Variants in COL19A1 observed in about 807,000 individuals in gnomAD.
The protein encoded by COL19A1 is collagen alpha-1(XIX) chain.
Under a neutral mutation model 190.2 loss-of-function variants are expected in COL19A1, and 159 were observed. That is an observed-to-expected ratio of 0.84 (90% CI 0.73 to 0.95). The LOEUF is 0.95. Among genes scored for constraint, COL19A1 ranks in the 40% least tolerant of loss-of-function variants. The pLI is 0.00. For missense variants in COL19A1, 1,418 were observed against 1,431.9 expected (o/e 0.99, Z 0.16); for synonymous variants, 509 against 458.9 (o/e 1.11, Z -1.39).
chr6:70,144,112 T>C (rs1462477751), intron 23 of COL19A1, 98 bp from the exon 24 acceptor site: 3 of 1,103,538 alleles, frequency 2.7e-6, no homozygotes, highest in South Asian at 1.5e-5. Flanking sequence ...GGTTATATGT[T>C]AAAATTCTGT....
intron 17 of COL19A1, among the ~76,000 whole-genome samples, chr6:70,125,993 G>A (rs543907437): frequency 2.4e-4 from 37 of 152,256 alleles, no homozygotes; most frequent in Non-Finnish European, 4.9e-4. Flanking sequence ...CGGAGGCCAA[G>A]TGCTGGTGGA....
rs1468980174 is a variant in COL19A1 at position 70,068,547 on chromosome 6, A to C, written c.1224+71A>C. On this transcript the variant is annotated intron_variant, in intron 15 of 50. Coordinates refer to ENST00000620364, the MANE Select transcript of COL19A1 (RefSeq NM_001858.6). ...TACTTATTTGGGAACACTAATGAAA[A>C]TGAAACCGAAATAGAGCAAGCAGAT... 3.1e-6 allele frequency: 3 copies of C among 979,712 alleles called. No individual in the cohort carries two copies. In the African/African-American group the frequency reaches 5.0e-5, roughly 16 times the overall value. 60.7% of individuals were successfully genotyped at this position (979,712 alleles called of 1,614,324 possible). A position where few individuals can be genotyped will look rare whatever the true frequency, so the allele number is the denominator to read the frequency against.
chr6:69,992,198 A>G (rs1392747168), intron 11 of COL19A1, among the ~76,000 whole-genome samples: 1 of 152,136 alleles, frequency 6.6e-6, no homozygotes, highest in Non-Finnish European at 1.5e-5. Context: ...GTCGAAAATC[A>G]GATGGTTGTA....
At chr6:69,962,628 T>C (rs1398958751) in intron 10 of COL19A1, among the ~76,000 whole-genome samples, 198 bp from the exon 11 acceptor site, 1 of 152,218 alleles carries the variant, frequency 6.6e-6, no homozygotes, top group Non-Finnish European at 1.5e-5. Flanking sequence ...CTGTAACTTA[T>C]ACCCTAGAAA....
intron 14 of COL19A1, among the ~76,000 whole-genome samples, chr6:70,057,756 G>T (rs1780586211): frequency 1.3e-5 from 2 of 152,044 alleles, no homozygotes; most frequent in Non-Finnish European, 2.9e-5. Context: ...AAATAGCTTG[G>T]ATTATTTTGG....
intron 16 of COL19A1, among the ~76,000 whole-genome samples, chr6:70,120,729 A>G (rs1165407399): frequency 6.6e-6 from 1 of 152,316 alleles, no homozygotes; most frequent in East Asian, 1.9e-4. Context: ...GCTTCTAAGT[A>G]TCCATCACCT....
At chr6:69,938,378 A>G (rs1363715234) in intron 9 of COL19A1, among the ~76,000 whole-genome samples, 1 of 151,942 alleles carries the variant, frequency 6.6e-6, no homozygotes, top group Non-Finnish European at 1.5e-5. Context: ...AGAAAAGTCT[A>G]TTTTCTAGCT....
intron 16 of COL19A1, among the ~76,000 whole-genome samples, chr6:70,106,604 A>G (rs1220605579): frequency 1.3e-5 from 2 of 152,202 alleles, no homozygotes; most frequent in East Asian, 1.9e-4. Context: ...ATATAATGAA[A>G]CTATTCTTAA....
chr6:69,884,978 T>G (rs1043891423), intron 2 of COL19A1, among the ~76,000 whole-genome samples: 8 of 152,012 alleles, frequency 5.3e-5, no homozygotes, highest in African/African-American at 1.9e-4. Flanking sequence ...TTCTCCTGCC[T>G]CAGCCTCCCA....
intron 16 of COL19A1, among the ~76,000 whole-genome samples, chr6:70,106,610 C>A (rs1421471971): frequency 6.6e-6 from 1 of 152,152 alleles, no homozygotes; most frequent in Non-Finnish European, 1.5e-5. Context: ...TGAAACTATT[C>A]TTAATCAGAG....
intron 49 of COL19A1, chr6:70,199,981 A>T (rs1562265768): frequency 2.8e-6 from 1 of 354,480 alleles, no homozygotes; most frequent in East Asian, 7.0e-5. Flanking sequence ...TGGTATTCTA[A>T]ATGTATTGTA....
intron 4 of COL19A1, among the ~76,000 whole-genome samples, chr6:69,901,492 G>A (rs969966562): frequency 3.3e-5 from 5 of 152,222 alleles, no homozygotes; most frequent in African/African-American, 1.2e-4. Context: ...CAAATCAGGG[G>A]ATATAATGGG....
chr6:69,930,461 A>G (rs925922568), intron 6 of COL19A1, among the ~76,000 whole-genome samples: 2 of 152,154 alleles, frequency 1.3e-5, no homozygotes, highest in Admixed American at 1.3e-4. Context: ...CCAGTCTTGG[A>G]CCTCAATCTA....
At chr6:70,061,571 A>C (rs1780831455) in intron 14 of COL19A1, among the ~76,000 whole-genome samples, 1 of 152,108 alleles carries the variant, frequency 6.6e-6, no homozygotes. Flanking sequence ...TTCCAAATCA[A>C]ATATTATATC....
intron 11 of COL19A1, among the ~76,000 whole-genome samples, chr6:69,971,116 A>G (rs1031472036): frequency 6.6e-6 from 1 of 152,210 alleles, no homozygotes; most frequent in Non-Finnish European, 1.5e-5. Context: ...GTAGTTATAG[A>G]AAAAGTAAAA....
intron 17 of COL19A1, among the ~76,000 whole-genome samples, chr6:70,126,258 T>C (rs1003108292): frequency 1.1e-4 from 17 of 152,186 alleles, no homozygotes; most frequent in African/African-American, 4.1e-4. Context: ...CAGAAAGCCT[T>C]TATCCAAAAT....
chr6:70,068,684 G>A (rs1300345268), intron 15 of COL19A1, among the ~76,000 whole-genome samples: 1 of 151,978 alleles, frequency 6.6e-6, no homozygotes, highest in Non-Finnish European at 1.5e-5. Flanking sequence ...CAGCACAAGT[G>A]TAGAGATATT....
intron 1 of COL19A1, among the ~76,000 whole-genome samples, chr6:69,878,210 T>G (rs552479651): frequency 6.6e-6 from 1 of 151,090 alleles, no homozygotes; most frequent in South Asian, 2.1e-4. Context: ...TATTTATTTC[T>G]TTTATTTATT....
chr6:70,203,295 G>T (rs187235210), intron 49 of COL19A1, among the ~76,000 whole-genome samples: 2 of 152,234 alleles, frequency 1.3e-5, no homozygotes, highest in Admixed American at 1.3e-4. Context: ...TACATCCATC[G>T]CATGCACCCT....
Sources: allele counts gnomAD v4.1 joint callset (sites outside exome capture counted in the v4.1 genomes callset), GRCh38; gene constraint gnomAD v4.1.1; transcripts MANE v1.5; gene names NCBI Gene and HGNC (gene_info 2026-07-23, HGNC 2026-07-21).